The following ANKIB1 variants were observed in gnomAD, a reference collection of about 807,000 sequenced individuals.
ANKIB1 encodes the protein ankyrin repeat and IBR domain-containing protein 1.
A neutral mutation model predicts 122.1 loss-of-function variants in ANKIB1; 43 were observed. The ratio of observed to expected loss-of-function variants is 0.35; its 90% confidence interval spans 0.28 to 0.45. The LOEUF (loss-of-function observed/expected upper bound fraction) is 0.45, where lower values mean the gene tolerates loss of function less well. Among genes scored for constraint, ANKIB1 ranks in the 20% least tolerant of loss-of-function variants. The pLI is 1.00. For missense variants in ANKIB1, 992 were observed against 1,329.5 expected (o/e 0.75, Z 3.95); for synonymous variants, 390 against 442.0 (o/e 0.88, Z 1.48).
At chr7:92,364,186 G>A (rs1027009513) in intron 10 of ANKIB1, among the ~76,000 whole-genome samples, 3 of 151,628 alleles carry the variant, frequency 2.0e-5, no homozygotes, top group African/African-American at 4.8e-5. Context: ...GGTGGTGTGC[G>A]CCTGTAATCC....
chr7:92,342,066 C>T (rs2131974756), intron 5 of ANKIB1, among the ~76,000 whole-genome samples: 1 of 151,720 alleles, frequency 6.6e-6, no homozygotes, highest in Non-Finnish European at 1.5e-5. Flanking sequence ...AAAAAAAAAC[C>T]TCGTGTAGAA....
chr7:92,280,586 T>C (rs1314290074), intron 1 of ANKIB1, among the ~76,000 whole-genome samples: 10 of 152,060 alleles, frequency 6.6e-5, no homozygotes, highest in Non-Finnish European at 1.3e-4. Context: ...GTGCTCACTT[T>C]TAGTAATATT....
At chr7:92,316,285 C>G (rs1174675911) in intron 3 of ANKIB1, among the ~76,000 whole-genome samples, 1 of 152,176 alleles carries the variant, frequency 6.6e-6, no homozygotes, top group African/African-American at 2.4e-5. Flanking sequence ...ACATAACTTT[C>G]TATTTTGTCA....
intron 1 of ANKIB1, among the ~76,000 whole-genome samples, chr7:92,263,568 G>C (rs1056040641): frequency 5.3e-5 from 8 of 152,184 alleles, no homozygotes; most frequent in Admixed American, 5.2e-4. Flanking sequence ...AATATCTCTG[G>C]GGTAGCTAAG....
At chr7:92,318,375 G>A (rs777657974) in intron 3 of ANKIB1, among the ~76,000 whole-genome samples, 1 of 152,126 alleles carries the variant, frequency 6.6e-6, no homozygotes, top group South Asian at 2.1e-4. Context: ...AATTAGCTGG[G>A]CGTGGTGGCG....
At chr7:92,335,279 A>T (rs1243800935) in intron 5 of ANKIB1, among the ~76,000 whole-genome samples, 1 of 151,790 alleles carries the variant, frequency 6.6e-6, no homozygotes, top group Non-Finnish European at 1.5e-5. Context: ...CAGTCTTTTG[A>T]AATTTGTTGA....
At chr7:92,331,790 G>A (rs1240946346) in intron 5 of ANKIB1, among the ~76,000 whole-genome samples, 1 of 151,890 alleles carries the variant, frequency 6.6e-6, no homozygotes, top group Non-Finnish European at 1.5e-5. Flanking sequence ...ATACCTAACT[G>A]CAAACAAAAA....
intron 11 of ANKIB1, among the ~76,000 whole-genome samples, chr7:92,375,906 T>C (rs574134770): frequency 1.5e-4 from 23 of 152,360 alleles, no homozygotes; most frequent in South Asian, 4.1e-4. Context: ...AGAACGGATG[T>C]TGTGTTAGCA....
chr7:92,366,451 C>T (rs892141467), intron 10 of ANKIB1, among the ~76,000 whole-genome samples: 47 of 152,150 alleles, frequency 3.1e-4, no homozygotes, highest in African/African-American at 1.1e-3. Flanking sequence ...AACTGTTCAT[C>T]TTTAAAGGTT....
In ANKIB1 at chr7:92,398,469, C is replaced by T; in HGVS notation, c.2790C>T (p.Asp930=). The T allele has an allele frequency of 6.2e-7, 1 of 1,613,916 alleles. No homozygotes were observed. Among genetic ancestry groups the T allele is most frequent in the South Asian group, 1.1e-5 (1 of 91,076 alleles). ...TCATGAGACTAGGAGCAGAGAATGACCCATTTTCAACTGACACCCTGAGCT... is the reference window on the plus strand; with the variant it reads ...TCATGAGACTAGGAGCAGAGAATGATCCATTTTCAACTGACACCCTGAGCT... The part of the protein sequence containing the change: ...DSLMRLGAEN[D]PFSTDTLSSH... Residue 930 remains aspartate (D), a synonymous_variant, in exon 20 of 20, where the codon GAC becomes GAT. Transcript: ENST00000265742.
intron 9 of ANKIB1, among the ~76,000 whole-genome samples, chr7:92,358,555 A>G (rs1287015952): frequency 7.0e-6 from 1 of 142,462 alleles, no homozygotes; most frequent in Non-Finnish European, 1.5e-5. Flanking sequence ...TTTTTTTCAG[A>G]CTTTATTTGA....
At chr7:92,372,235 A>T (rs75401615) in intron 11 of ANKIB1, among the ~76,000 whole-genome samples, 1 of 152,280 alleles carries the variant, frequency 6.6e-6, no homozygotes, top group East Asian at 1.9e-4. Flanking sequence ...TTGCATCTGT[A>T]TCGAACATGT....
intron 9 of ANKIB1, among the ~76,000 whole-genome samples, chr7:92,355,718 A>G (rs1803788162): frequency 6.6e-6 from 1 of 151,856 alleles, no homozygotes; most frequent in Admixed American, 6.6e-5. Flanking sequence ...GCGTGGTGGC[A>G]TGCTCCTGTA....
At chr7:92,372,904 T>C (rs374868418) in intron 11 of ANKIB1, among the ~76,000 whole-genome samples, 1 of 152,110 alleles carries the variant, frequency 6.6e-6, no homozygotes, top group African/African-American at 2.4e-5. Context: ...TTTTCTAGTT[T>C]AGGACATGAA....
intron 1 of ANKIB1, among the ~76,000 whole-genome samples, chr7:92,271,571 C>T (rs1456687196): frequency 2.0e-5 from 3 of 151,980 alleles, no homozygotes; most frequent in African/African-American, 7.3e-5. Context: ...CTATGTTGAG[C>T]CGGAAAACTT....
intron 17 of ANKIB1, 72 bp downstream of exon 17, chr7:92,392,364 C>T: frequency 7.5e-7 from 1 of 1,338,790 alleles, no homozygotes; most frequent in East Asian, 2.3e-5. Context: ...GCATCCTTAT[C>T]TATTCTAAAT....
At chr7:92,247,968 G>T (rs774685608) in intron 1 of ANKIB1, among the ~76,000 whole-genome samples, 2 of 152,214 alleles carry the variant, frequency 1.3e-5, no homozygotes, top group East Asian at 3.8e-4. Flanking sequence ...TTAATTTGAA[G>T]TAGGCTCAGG....
At chr7:92,315,702 G>T (rs560511849) in intron 3 of ANKIB1, among the ~76,000 whole-genome samples, 2 of 152,136 alleles carry the variant, frequency 1.3e-5, no homozygotes, top group Non-Finnish European at 2.9e-5. Context: ...ACTGAGAAAC[G>T]CTGATAGATT....
intron 1 of ANKIB1, among the ~76,000 whole-genome samples, chr7:92,285,928 T>A (rs1017996386): frequency 6.6e-6 from 1 of 152,236 alleles, no homozygotes; most frequent in African/African-American, 2.4e-5. Context: ...AAAAACACTT[T>A]GATGATTTAG....
Sources: allele counts gnomAD v4.1 joint callset (sites outside exome capture counted in the v4.1 genomes callset), GRCh38; gene constraint gnomAD v4.1.1; transcripts MANE v1.5; gene names NCBI Gene and HGNC (gene_info 2026-07-23, HGNC 2026-07-21).